Variants in CA8 observed in about 807,000 individuals in gnomAD.
The protein encoded by CA8 is carbonic anhydrase 8 (inactive).
CA8 carries 22 observed loss-of-function variants against 41.4 expected under a neutral mutation model. That is an observed-to-expected ratio of 0.53 (90% confidence interval 0.38 to 0.76). CA8 has a LOEUF of 0.76. Among genes scored for constraint, CA8 ranks in the 30% least tolerant of loss-of-function variants. The pLI is 0.00. For synonymous variants in CA8, 121 were observed against 130.6 expected, an observed-to-expected ratio of 0.93 and a Z score of 0.50; for missense variants, 270 against 352.8, an observed-to-expected ratio of 0.77 and a Z score of 1.88.
intron 3 of CA8, among the ~76,000 whole-genome samples, chr8:60,262,694 G>A (rs988848166): frequency 6.6e-6 from 1 of 152,162 alleles, no homozygotes; most frequent in Non-Finnish European, 1.5e-5. Context: ...GTAACAGGAG[G>A]AAAAATGTAG....
At chr8:60,232,113 A>T (rs1807668309) in intron 4 of CA8, among the ~76,000 whole-genome samples, 171 bp downstream of exon 4, 1 of 152,206 alleles carries the variant, frequency 6.6e-6, no homozygotes. Flanking sequence ...ACCAATGAAT[A>T]TGTCTGAACT....
At chr8:60,247,300 A>G (rs991503679) in intron 3 of CA8, among the ~76,000 whole-genome samples, 2 of 150,998 alleles carry the variant, frequency 1.3e-5, no homozygotes, top group Admixed American at 1.3e-4. Context: ...CCGGATTGTT[A>G]CATAGGTATA....
chr8:60,280,807 T>C (rs1256062852), intron 1 of CA8, among the ~76,000 whole-genome samples: 1 of 152,210 alleles, frequency 6.6e-6, no homozygotes, highest in Non-Finnish European at 1.5e-5. Context: ...ACGCCAGCCC[T>C]GCGGAAGGCT....
intron 2 of CA8, among the ~76,000 whole-genome samples, chr8:60,273,733 A>G (rs1293706984): frequency 6.6e-6 from 1 of 152,264 alleles, no homozygotes; most frequent in Non-Finnish European, 1.5e-5. Context: ...TTTCCAGTGC[A>G]GCAGAGTTAA....
chr8:60,206,914 G>A (rs1431773937), intron 8 of CA8, among the ~76,000 whole-genome samples: 2 of 151,178 alleles, frequency 1.3e-5, no homozygotes, highest in East Asian at 1.9e-4. Context: ...CCAGCATATA[G>A]ACAAGTTCTA....
At chr8:60,279,960 T>G in intron 1 of CA8, 80 bp from the exon 2 acceptor site, 1 of 1,144,378 alleles carries the variant, frequency 8.7e-7, no homozygotes, top group Non-Finnish European at 1.3e-6. Context: ...ACTAAACACT[T>G]AGAACCCTTG....
chr8:60,192,949 ACACACAC>A, intron 8 of CA8, among the ~76,000 whole-genome samples: 1 of 151,030 alleles, frequency 6.6e-6, no homozygotes, highest in African/African-American at 2.4e-5. Flanking sequence ...ACACACACAC[ACACACAC>A]ACACACACAC....
At chr8:60,263,525 C>CA (rs946319615) in intron 3 of CA8, among the ~76,000 whole-genome samples, 5 of 151,398 alleles carry the variant, frequency 3.3e-5, no homozygotes, top group Admixed American at 1.3e-4. Flanking sequence ...AACATGACCT[C>CA]AAAAAAAACA....
chr8:60,186,607 A>G lies in CA8; in HGVS notation c.*3414T>C, dbSNP rs891433039. On this transcript the variant is annotated 3_prime_UTR_variant, in exon 9 of 9. Transcript: ENST00000317995. Reference sequence around the variant, plus strand: ...GGGTTAAATAATCCAACCAAAAGGCAGAGAGACTGTCAGACTGGATTTCAA... The same window carrying G: ...GGGTTAAATAATCCAACCAAAAGGCGGAGAGACTGTCAGACTGGATTTCAA... Among the ~76,000 whole-genome samples, 2 of 151,904 alleles carry G rather than the reference A, an allele frequency of 1.3e-5. No homozygotes were observed. Among genetic ancestry groups the G allele is most frequent in the Non-Finnish European group, 2.9e-5 (2 of 67,864 alleles).
intron 3 of CA8, among the ~76,000 whole-genome samples, chr8:60,243,490 G>GT (rs1440781027): frequency 6.6e-6 from 1 of 150,402 alleles, no homozygotes; most frequent in East Asian, 1.9e-4. Context: ...CTCTTCACAG[G>GT]TAACTGTTTA....
intron 7 of CA8, among the ~76,000 whole-genome samples, chr8:60,215,521 T>A (rs925961779): frequency 2.6e-5 from 4 of 152,058 alleles, no homozygotes; most frequent in African/African-American, 7.2e-5. Context: ...AAGAACTTAC[T>A]CGTGTAACCA....
intron 3 of CA8, among the ~76,000 whole-genome samples, chr8:60,259,932 T>A (rs906374194): frequency 6.6e-6 from 1 of 152,180 alleles, no homozygotes. Flanking sequence ...TTGTTCCTTT[T>A]TTCTGGTCAA....
At chr8:60,255,391 C>T (rs941515207) in intron 3 of CA8, among the ~76,000 whole-genome samples, 2 of 152,262 alleles carry the variant, frequency 1.3e-5, no homozygotes, top group East Asian at 1.9e-4. Flanking sequence ...ACCTTCTTTC[C>T]TAATTTGTTC....
At position 60,232,277 on chromosome 8, in the gene CA8, C is replaced by G; in HGVS notation, c.513+7G>C. ...AAACAATACGATAATCACAGCAGAC[C>G]GTTTACCTGAACAAACAGAGCAATG... is the stretch of plus-strand genomic sequence containing the variant. On this transcript the variant is annotated splice_region_variant and intron_variant, in intron 4 of 8. Transcript: ENST00000317995. 2 of 1,601,284 alleles carry G rather than the reference C, an allele frequency of 1.2e-6. No individual in the cohort carries two copies. Among genetic ancestry groups the G allele is most frequent in the Non-Finnish European group, 1.7e-6 (2 of 1,168,368 alleles).
chr8:60,278,590 G>A (rs567256582), intron 2 of CA8, among the ~76,000 whole-genome samples: 109 of 152,162 alleles, frequency 7.2e-4, no homozygotes, highest in African/African-American at 2.6e-3. Flanking sequence ...AATTCAAGTC[G>A]AAATTTCCAT....
chr8:60,235,969 G>C (rs1807817709), intron 3 of CA8, among the ~76,000 whole-genome samples: 1 of 152,186 alleles, frequency 6.6e-6, no homozygotes, highest in Non-Finnish European at 1.5e-5. Context: ...ATATAAGCTA[G>C]GAGGATACCA....
chr8:60,243,332 A>T (rs1808107471), intron 3 of CA8, among the ~76,000 whole-genome samples: 1 of 151,546 alleles, frequency 6.6e-6, no homozygotes, highest in African/African-American at 2.4e-5. Flanking sequence ...CACAGCACTC[A>T]AGGGTCTTTC....
intron 3 of CA8, among the ~76,000 whole-genome samples, chr8:60,254,573 A>C (rs1052583132): frequency 6.6e-6 from 1 of 152,262 alleles, no homozygotes; most frequent in Non-Finnish European, 1.5e-5. Flanking sequence ...TGGATAAGTG[A>C]TATTTGTTTT....
chr8:60,201,271 AT>A (rs1353419265), intron 8 of CA8, among the ~76,000 whole-genome samples: 2 of 152,232 alleles, frequency 1.3e-5, no homozygotes, highest in African/African-American at 4.8e-5. Flanking sequence ...CTAGAAGTTA[AT>A]TAAAAGACCT....
Sources: allele counts gnomAD v4.1 joint callset (sites outside exome capture counted in the v4.1 genomes callset), GRCh38; gene constraint gnomAD v4.1.1; transcripts MANE v1.5; gene names NCBI Gene and HGNC (gene_info 2026-07-23, HGNC 2026-07-21).